The following RAB27A variants were observed in gnomAD, a reference collection of about 807,000 sequenced individuals.
RAB27A encodes ras-related protein Rab-27A.
A neutral mutation model predicts 20.8 loss-of-function variants in RAB27A; 17 were observed. The ratio of observed to expected loss-of-function variants is 0.82; its 90% CI spans 0.56 to 1.23. RAB27A has a LOEUF of 1.23. Among genes scored for constraint, RAB27A ranks in the 50% most tolerant of loss-of-function variants. The pLI, the probability that RAB27A is intolerant of heterozygous loss-of-function variation, is 0.00. For synonymous variants in RAB27A, 85 were observed against 92.8 expected (o/e 0.92, Z 0.48); for missense variants, 277 against 266.7 (o/e 1.04, Z -0.27).
intron 2 of RAB27A, among the ~76,000 whole-genome samples, chr15:55,313,731 C>T (rs557697166): frequency 1.3e-5 from 2 of 151,980 alleles, no homozygotes; most frequent in East Asian, 1.9e-4. Flanking sequence ...AAAATTACTT[C>T]GGGAAGCCGA....
At chr15:55,246,136 C>T (rs1003381693) in intron 2 of RAB27A, among the ~76,000 whole-genome samples, 1 of 151,326 alleles carries the variant, frequency 6.6e-6, no homozygotes, top group Non-Finnish European at 1.5e-5. Context: ...TTTATAAATG[C>T]TTCCAAAACA....
intron 6 of RAB27A, 47 bp from the exon 7 acceptor site, chr15:55,205,752 G>T: frequency 6.7e-7 from 1 of 1,485,216 alleles, no homozygotes; most frequent in South Asian, 1.1e-5. Flanking sequence ...AGGGAAAGGA[G>T]AGTGACCTTT....
At chr15:55,247,478 T>A (rs1263286091) in intron 2 of RAB27A, among the ~76,000 whole-genome samples, 1 of 152,142 alleles carries the variant, frequency 6.6e-6, no homozygotes, top group Non-Finnish European at 1.5e-5. Context: ...TCAAGGAATC[T>A]GTCAAGACTC....
At chr15:55,271,971 G>A (rs1161462899) in intron 1 of RAB27A, among the ~76,000 whole-genome samples, 1 of 152,128 alleles carries the variant, frequency 6.6e-6, no homozygotes, top group Non-Finnish European at 1.5e-5. Context: ...TCATGAAAAT[G>A]CACCTCTTTC....
chr15:55,206,683 G>A (rs558410495), intron 6 of RAB27A, among the ~76,000 whole-genome samples: 18 of 152,212 alleles, frequency 1.2e-4, no homozygotes, highest in East Asian at 3.9e-4. Context: ...TATGAAAGCC[G>A]TTTAAATTCC....
At chr15:55,275,116 G>A (rs1310799185) in intron 1 of RAB27A, among the ~76,000 whole-genome samples, 1 of 151,252 alleles carries the variant, frequency 6.6e-6, no homozygotes, top group Non-Finnish European at 1.5e-5. Context: ...CTGGGGCATG[G>A]TGGTGCACAC....
chr15:55,274,565 G>A (rs1156912513), intron 1 of RAB27A, among the ~76,000 whole-genome samples: 2 of 151,392 alleles, frequency 1.3e-5, no homozygotes, highest in South Asian at 4.2e-4. Context: ...ATAACCTGAG[G>A]TCAGGAGTTT....
At chr15:55,246,420 CTTT>C (rs57279802) in intron 2 of RAB27A, among the ~76,000 whole-genome samples, 51,677 of 149,438 alleles carry the variant, frequency 0.35, 9,984 homozygotes, top group East Asian at 0.75. Context: ...GAGATATCGG[CTTT>C]TTTTTTTAAT....
chr15:55,316,503 G>A (rs764831030), intron 1 of RAB27A, among the ~76,000 whole-genome samples: 40 of 151,406 alleles, frequency 2.6e-4, no homozygotes, highest in Admixed American at 4.6e-4. Flanking sequence ...CCTAGATGAC[G>A]GGTTGACAGG....
chr15:55,267,959 G>A (rs192016467), intron 2 of RAB27A, among the ~76,000 whole-genome samples: 2 of 152,212 alleles, frequency 1.3e-5, no homozygotes, highest in East Asian at 1.9e-4. Context: ...GAAGAAAAAT[G>A]GTTGTTTGTA....
intron 2 of RAB27A, among the ~76,000 whole-genome samples, chr15:55,252,284 A>G (rs1466580502): frequency 2.0e-5 from 3 of 152,178 alleles, no homozygotes; most frequent in African/African-American, 7.2e-5. Context: ...TGGGTGCACT[A>G]AAATCTCGGA....
In RAB27A at chr15:55,205,739, T is replaced by C. The variant is rs1049388438; in HGVS notation, c.468-34A>G. The C allele has an allele frequency of 3.2e-6, 5 of 1,550,296 alleles. No individual in the cohort carries two copies. The African/African-American group carries it at 6.8e-5, about 21-fold the overall frequency. ...CAGAGACAACTGAGGTAACAACATG[T>C]GGAGGGAAAGGAGAGTGACCTTTGC... On this transcript the variant is annotated intron_variant, in intron 6 of 6. Coordinates refer to ENST00000336787, the MANE Select transcript of RAB27A (RefSeq NM_183235.3).
Position 55,204,337 on chromosome 15 carries a change from A to C in RAB27A, c.*1170T>G, listed in dbSNP as rs574506558. The C allele has an allele frequency of 1.1e-4, 16 of 152,246 alleles. No homozygotes were observed. The allele number at this position is 152,246 out of a possible 1,614,324, so 9.4% of individuals were successfully genotyped here. On this transcript the variant is annotated 3_prime_UTR_variant, in exon 7 of 7. Coordinates refer to ENST00000336787, the MANE Select transcript of RAB27A (RefSeq NM_183235.3). ...GATCTTGGCAAGACCCAGCAAGTACAGTAAATGCTCATGAGCTCTATGAAA... is the reference window on the plus strand; with the variant it reads ...GATCTTGGCAAGACCCAGCAAGTACCGTAAATGCTCATGAGCTCTATGAAA...
intron 2 of RAB27A, among the ~76,000 whole-genome samples, chr15:55,269,471 G>A (rs1000040114): frequency 6.6e-6 from 1 of 152,156 alleles, no homozygotes; most frequent in Admixed American, 6.5e-5. Context: ...TTTAGGCCGG[G>A]CACGGTGGCT....
chr15:55,229,493 T>C (rs1895947302), intron 4 of RAB27A, among the ~76,000 whole-genome samples: 1 of 152,022 alleles, frequency 6.6e-6, no homozygotes, highest in African/African-American at 2.4e-5. Context: ...CTGACCAACA[T>C]GGAGAAACCC....
chr15:55,234,816 G>C lies in RAB27A; in HGVS notation c.119C>G (p.Thr40Arg). 6.2e-7 allele frequency: 1 copy of C among 1,611,790 alleles called. No individual in the cohort carries two copies. Reference protein sequence around the residue: ...TDGKFNSKFITTVGIDFREKR... With the variant: ...TDGKFNSKFIRTVGIDFREKR... Reference sequence around the variant, plus strand: ...TTCCCTGAAATCAATGCCCACTGTTGTGATAAATTTGGAGTTAAATTTACC... The same window carrying C: ...TTCCCTGAAATCAATGCCCACTGTTCTGATAAATTTGGAGTTAAATTTACC... Residue 40 changes from threonine to arginine, a missense_variant, in exon 3 of 7, where the codon ACA becomes AGA. Thr to Arg is a moderately conservative substitution (Grantham distance 71). Coordinates refer to ENST00000336787, the MANE Select transcript of RAB27A (RefSeq NM_183235.3).
intron 2 of RAB27A, among the ~76,000 whole-genome samples, chr15:55,306,120 G>A (rs2054995992): frequency 6.6e-6 from 1 of 152,186 alleles, no homozygotes; most frequent in African/African-American, 2.4e-5. Context: ...GTGGGGGGGA[G>A]TTACCCACCT....
At chr15:55,302,173 T>C (rs2054974887) in intron 2 of RAB27A, among the ~76,000 whole-genome samples, 1 of 110,282 alleles carries the variant, frequency 9.1e-6, no homozygotes, top group African/African-American at 5.8e-5. Flanking sequence ...GGAGACTCTG[T>C]CTCAAAAAAA....
rs141362723 is a variant in RAB27A at position 55,205,622 on chromosome 15, C to T, written c.551G>A (p.Arg184Gln). The change falls in exon 7 of 7, where the codon CGA (arginine) becomes CAA (glutamine). Residue 184 changes from arginine (R) to glutamine (Q), a missense_variant. Transcript: ENST00000336787. The stretch of plus-strand genomic sequence containing the variant: ...GGACTTGTCCACACACCGTTCCATT[C>T]GCTTCATTATCAGGTCCAGAAGCAT... Reference protein sequence around the residue: ...IEMLLDLIMKRMERCVDKSWI... With the variant: ...IEMLLDLIMKQMERCVDKSWI... The T allele has an allele frequency of 9.5e-5, 154 of 1,614,104 alleles. No individual in the cohort carries two copies. The Middle Eastern group carries it at 9.9e-4, about 10-fold the overall frequency.
Sources: gnomAD v4.1 joint callset for allele counts (sites outside exome capture counted in the v4.1 genomes callset) on GRCh38, gnomAD v4.1.1 for gene constraint, MANE v1.5 for transcripts, NCBI Gene and HGNC (gene_info 2026-07-23, HGNC 2026-07-21) for gene names.